The following BPTF variants were observed in gnomAD, a reference collection of about 807,000 sequenced individuals.
BPTF encodes the protein bromodomain PHD finger transcription factor.
Under a neutral mutation model 292.5 loss-of-function variants are expected in BPTF, and 18 were observed. That is an observed-to-expected ratio of 0.06 (90% CI 0.04 to 0.09). The LOEUF is 0.09. BPTF is among the 10% of genes least tolerant of loss of function. BPTF has a pLI of 1.00. For missense variants in BPTF, 2,726 were observed against 3,498.7 expected (o/e 0.78, Z 5.57); for synonymous variants, 1,225 against 1,251.9 (o/e 0.98, Z 0.45).
At chr17:67,898,020 C>G (rs2061564618) in intron 7 of BPTF, among the ~76,000 whole-genome samples, 2 of 152,146 alleles carry the variant, frequency 1.3e-5, no homozygotes, top group African/African-American at 4.8e-5. Flanking sequence ...GAATTGGCTT[C>G]ACCTTAGACA....
chr17:67,890,600 C>T (rs950796939), intron 4 of BPTF, among the ~76,000 whole-genome samples: 3 of 152,106 alleles, frequency 2.0e-5, no homozygotes, highest in African/African-American at 7.2e-5. Flanking sequence ...GCTGCTCGCT[C>T]CAAAGGGGCA....
chr17:67,976,004 C>T, intron 27 of BPTF, 46 bp downstream of exon 27: 1 of 1,445,260 alleles, frequency 6.9e-7, no homozygotes, highest in Non-Finnish European at 9.5e-7. Flanking sequence ...ACTCTTCACA[C>T]TCTTTATACT....
chr17:67,890,828 A>G (rs2061060546), intron 4 of BPTF, among the ~76,000 whole-genome samples: 2 of 152,136 alleles, frequency 1.3e-5, no homozygotes, highest in African/African-American at 4.8e-5. Flanking sequence ...ATTATATATC[A>G]TATAGTAAAT....
chr17:67,878,998 G>A (rs986987245), intron 4 of BPTF, among the ~76,000 whole-genome samples: 1 of 151,674 alleles, frequency 6.6e-6, no homozygotes, highest in African/African-American at 2.4e-5. Flanking sequence ...GAGTAAAATT[G>A]GCTTGCATTT....
At chr17:67,847,681 A>G (rs2058126398) in intron 1 of BPTF, among the ~76,000 whole-genome samples, 2 of 152,026 alleles carry the variant, frequency 1.3e-5, no homozygotes, top group South Asian at 4.1e-4. Flanking sequence ...TCTCAAAAAA[A>G]AAAAAAAAAA....
At chr17:67,886,124 C>G in intron 4 of BPTF, 2 of 1,522,278 alleles carry the variant, frequency 1.3e-6, no homozygotes, top group Non-Finnish European at 1.8e-6. Flanking sequence ...TTCTATTTTT[C>G]TAGAAGAACC....
chr17:67,888,106 C>G (rs544909995), intron 4 of BPTF, among the ~76,000 whole-genome samples: 1 of 152,332 alleles, frequency 6.6e-6, no homozygotes, highest in African/African-American at 2.4e-5. Flanking sequence ...CACTTCCATC[C>G]TTTGGTAGCT....
intron 1 of BPTF, among the ~76,000 whole-genome samples, chr17:67,844,692 C>T (rs1430577666): frequency 6.6e-6 from 1 of 151,770 alleles, no homozygotes; most frequent in African/African-American, 2.4e-5. Context: ...TGAACCACTG[C>T]GTCCAGTCTG....
intron 4 of BPTF, among the ~76,000 whole-genome samples, chr17:67,881,652 C>T (rs752201975): frequency 7.3e-5 from 11 of 151,116 alleles, no homozygotes; most frequent in Non-Finnish European, 1.3e-4. Flanking sequence ...TATAGACGCG[C>T]GCCACCACAT....
At chr17:67,885,577 G>A (rs2060700109) in intron 4 of BPTF, among the ~76,000 whole-genome samples, 1 of 152,162 alleles carries the variant, frequency 6.6e-6, no homozygotes, top group South Asian at 2.1e-4. Flanking sequence ...GCAACAGAGT[G>A]AGACTCCATC....
intron 21 of BPTF, 126 bp downstream of exon 21, chr17:67,946,451 A>C: frequency 1.4e-6 from 2 of 1,414,458 alleles, no homozygotes; most frequent in Non-Finnish European, 1.9e-6. Context: ...AATTTAGAAG[A>C]AACACTGAAT....
chr17:67,909,989 G>C (rs937088286), intron 10 of BPTF, among the ~76,000 whole-genome samples: 1 of 152,068 alleles, frequency 6.6e-6, no homozygotes, highest in South Asian at 2.1e-4. Context: ...TCATAACCTT[G>C]AAAAGAAGCC....
At chr17:67,843,851 C>T (rs1350578293) in intron 1 of BPTF, among the ~76,000 whole-genome samples, 3 of 145,374 alleles carry the variant, frequency 2.1e-5, no homozygotes, top group Admixed American at 7.0e-5. Flanking sequence ...CTGCAACCTC[C>T]GCCTCCTGGG....
chr17:67,961,885 A>C (rs2067534484), intron 24 of BPTF, among the ~76,000 whole-genome samples: 3 of 152,018 alleles, frequency 2.0e-5, no homozygotes, highest in African/African-American at 7.2e-5. Context: ...GAGTCAGGAG[A>C]ATCGCTTGAA....
chr17:67,866,442 A>G (rs374348067), intron 2 of BPTF, 22 bp from the exon 3 acceptor site: 3 of 1,531,794 alleles, frequency 2.0e-6, no homozygotes, highest in African/African-American at 1.4e-5. Context: ...CATATAAAGT[A>G]TTTCCCCCCA....
At chr17:67,832,713 C>A (rs1291198243) in intron 1 of BPTF, among the ~76,000 whole-genome samples, 2 of 151,772 alleles carry the variant, frequency 1.3e-5, no homozygotes, top group Admixed American at 1.3e-4. Context: ...GCATCACTCC[C>A]TGTTCTTCAC....
intron 2 of BPTF, among the ~76,000 whole-genome samples, chr17:67,859,436 ATGCCCTGCCT>A (rs1198663216): frequency 2.6e-5 from 4 of 152,210 alleles, no homozygotes; most frequent in Admixed American, 2.6e-4. Context: ...CTGAGCCACC[ATGCCCTGCCT>A]TGCAGGCACT....
At chr17:67,900,371 C>T (rs1436147009) in intron 7 of BPTF, among the ~76,000 whole-genome samples, 1 of 152,032 alleles carries the variant, frequency 6.6e-6, no homozygotes, top group African/African-American at 2.4e-5. Flanking sequence ...TCCCAAAGTG[C>T]TGGGATTACA....
chr17:67,826,864 A>G (rs2056116938), intron 1 of BPTF, among the ~76,000 whole-genome samples: 1 of 152,126 alleles, frequency 6.6e-6, no homozygotes, highest in African/African-American at 2.4e-5. Flanking sequence ...GCGTTTTCAC[A>G]CCCCTAGCTG....
Sources: gnomAD v4.1 joint callset for allele counts (sites outside exome capture counted in the v4.1 genomes callset) on GRCh38, gnomAD v4.1.1 for gene constraint, MANE v1.5 for transcripts, NCBI Gene and HGNC (gene_info 2026-07-23, HGNC 2026-07-21) for gene names.